Variants in BCKDHB observed in about 807,000 individuals in gnomAD.
The protein encoded by BCKDHB is branched chain keto acid dehydrogenase E1 subunit beta, also known as 2-oxoisovalerate dehydrogenase subunit beta, mitochondrial.
In BCKDHB, 41 loss-of-function variants were observed where a neutral mutation model predicts 48.5. The observed-to-expected ratio is 0.85, with a 90% confidence interval of 0.66 to 1.10. The LOEUF (loss-of-function observed/expected upper bound fraction) is 1.10. BCKDHB is among the 50% of genes least tolerant of loss of function. BCKDHB has a pLI of 0.00. For synonymous variants in BCKDHB, 201 were observed against 174.8 expected (o/e 1.15, Z -1.18); for missense variants, 496 against 494.2 (o/e 1.00, Z -0.03).
At chr6:80,119,626 G>A (rs1206331609) in intron 1 of BCKDHB, among the ~76,000 whole-genome samples, 1 of 152,106 alleles carries the variant, frequency 6.6e-6, no homozygotes, top group Non-Finnish European at 1.5e-5. Context: ...CCTGGCCAAT[G>A]TTGACATTTT....
intron 9 of BCKDHB, among the ~76,000 whole-genome samples, chr6:80,318,163 C>T (rs191061329): frequency 1.3e-5 from 2 of 152,214 alleles, no homozygotes; most frequent in African/African-American, 4.8e-5. Context: ...TTTGGAGCTC[C>T]TAAAACCAGA....
chr6:80,214,889 T>C (rs1273110431), intron 8 of BCKDHB, among the ~76,000 whole-genome samples: 2 of 152,224 alleles, frequency 1.3e-5, no homozygotes, highest in African/African-American at 2.4e-5. Context: ...AGACTATTGC[T>C]AGGTAAAATT....
the BCKDHB span, among the ~76,000 whole-genome samples, chr6:80,418,676 A>G: frequency 3.3e-4 from 50 of 152,294 alleles, 1 homozygote; most frequent in South Asian, 0.01. Context: ...AAAGGCCCAA[A>G]GTGCTTCTGG....
chr6:80,297,950 G>A (rs2127989390), intron 9 of BCKDHB, among the ~76,000 whole-genome samples: 1 of 151,688 alleles, frequency 6.6e-6, no homozygotes, highest in Middle Eastern at 3.4e-3. Context: ...CAATTCCTGG[G>A]CTTTTATGAG....
chr6:80,328,314 A>C (rs1420121736), intron 9 of BCKDHB, among the ~76,000 whole-genome samples: 1 of 152,180 alleles, frequency 6.6e-6, no homozygotes, highest in African/African-American at 2.4e-5. Context: ...CATGCTGATC[A>C]GTGTACACTG....
chr6:80,191,333 G>C (rs923679382), intron 6 of BCKDHB, among the ~76,000 whole-genome samples: 2 of 151,982 alleles, frequency 1.3e-5, no homozygotes, highest in African/African-American at 4.8e-5. Flanking sequence ...GACTTTTTCT[G>C]TCTCCTCTGC....
the BCKDHB span, among the ~76,000 whole-genome samples, chr6:80,395,624 C>T: frequency 6.6e-6 from 1 of 152,204 alleles, no homozygotes; most frequent in African/African-American, 2.4e-5. Context: ...GGAAAGAAAA[C>T]CCCATTTCTG....
intron 9 of BCKDHB, among the ~76,000 whole-genome samples, chr6:80,318,135 TTCCTCTATAAAGAGAAGTTTGGAGCTCC>T (rs1309458156): frequency 2.6e-5 from 4 of 152,178 alleles, no homozygotes; most frequent in Non-Finnish European, 5.9e-5. Context: ...CATTGTAGCT[TTCCTCTATAAAGAGAAGTTTGGAGCTCC>T]TAAAACCAGA....
the BCKDHB span, among the ~76,000 whole-genome samples, chr6:80,448,285 C>G: frequency 6.6e-6 from 1 of 152,172 alleles, no homozygotes; most frequent in African/African-American, 2.4e-5. Context: ...AGGCAGGGAC[C>G]AGATCTTATA....
the BCKDHB span, among the ~76,000 whole-genome samples, chr6:80,396,111 A>T: frequency 6.6e-6 from 1 of 152,170 alleles, no homozygotes; most frequent in Non-Finnish European, 1.5e-5. Context: ...GTGTGGTTGG[A>T]GCTCCCACAC....
intron 8 of BCKDHB, among the ~76,000 whole-genome samples, chr6:80,245,904 C>G (rs1277906964): frequency 6.6e-6 from 1 of 152,020 alleles, no homozygotes; most frequent in Non-Finnish European, 1.5e-5. Flanking sequence ...GATGAAACAC[C>G]ATCACTACAA....
At chr6:80,151,161 A>G (rs1771755412) in intron 3 of BCKDHB, among the ~76,000 whole-genome samples, 1 of 152,180 alleles carries the variant, frequency 6.6e-6, no homozygotes, top group Non-Finnish European at 1.5e-5. Flanking sequence ...GATCTGTACC[A>G]GTTAATTTCT....
At chr6:80,464,050 C>G in the BCKDHB span, among the ~76,000 whole-genome samples, 1 of 152,078 alleles carries the variant, frequency 6.6e-6, no homozygotes, top group Non-Finnish European at 1.5e-5. Flanking sequence ...TGCCCTCCCA[C>G]TTTCTACCCG....
chr6:80,316,949 G>A (rs1046442511), intron 9 of BCKDHB, among the ~76,000 whole-genome samples: 3 of 152,084 alleles, frequency 2.0e-5, no homozygotes, highest in Non-Finnish European at 2.9e-5. Context: ...GTGGGGTTTA[G>A]AATTAGAGCA....
chr6:80,445,936 A>T, the BCKDHB span, among the ~76,000 whole-genome samples: 10 of 152,296 alleles, frequency 6.6e-5, no homozygotes, highest in African/African-American at 2.4e-4. Context: ...TCTGTGCTGG[A>T]TTACTCAAGG....
the BCKDHB span, chr6:80,355,799 C>G: frequency 6.6e-6 from 1 of 152,308 alleles, no homozygotes; most frequent in South Asian, 2.1e-4. Context: ...GCTCTGTCTC[C>G]CAGCAGAAAT....
At chr6:80,255,863 A>G (rs1444331671) in intron 8 of BCKDHB, among the ~76,000 whole-genome samples, 2 of 152,214 alleles carry the variant, frequency 1.3e-5, no homozygotes, top group African/African-American at 4.8e-5. Flanking sequence ...CAGATGTACT[A>G]TCCTAGTCAC....
At chr6:80,295,793 T>C (rs1476874845) in intron 9 of BCKDHB, among the ~76,000 whole-genome samples, 1 of 151,438 alleles carries the variant, frequency 6.6e-6, no homozygotes. Context: ...CTTGTGAGAC[T>C]TATTCACTAT....
intron 1 of BCKDHB, among the ~76,000 whole-genome samples, chr6:80,119,867 A>T (rs1035616052): frequency 3.4e-5 from 5 of 148,970 alleles, no homozygotes; most frequent in Non-Finnish European, 4.5e-5. Context: ...TTTTTTTCCT[A>T]TTTTTTTTTT....
Sources: gnomAD v4.1 joint callset for allele counts (sites outside exome capture counted in the v4.1 genomes callset) on GRCh38, gnomAD v4.1.1 for gene constraint, MANE v1.5 for transcripts, NCBI Gene and HGNC (gene_info 2026-07-23, HGNC 2026-07-21) for gene names.